Variants in SYCP3 observed in about 807,000 individuals in gnomAD.
SYCP3 encodes the protein synaptonemal complex protein 3.
SYCP3 carries 29 observed loss-of-function variants against 38.5 expected under a neutral mutation model. That is an observed-to-expected ratio of 0.75 (90% CI 0.56 to 1.03). The LOEUF (loss-of-function observed/expected upper bound fraction) is 1.03. Among genes scored for constraint, SYCP3 ranks in the 50% least tolerant of loss-of-function variants. The pLI, the probability that SYCP3 is intolerant of heterozygous loss-of-function variation, is 0.00. For synonymous variants in SYCP3, 79 were observed against 80.3 expected, an observed-to-expected ratio of 0.98 and a Z score of 0.08; for missense variants, 242 against 270.7, an observed-to-expected ratio of 0.89 and a Z score of 0.74.
At chr12:101,729,505 AACC>A in intron 7 of SYCP3, 1 of 296,268 alleles carries the variant, frequency 3.4e-6, no homozygotes, top group African/African-American at 2.2e-5. Context: ...CATCAGTAAA[AACC>A]ATTTCTATTA....
chr12:101,734,764 T>G (rs1179903682), intron 5 of SYCP3, among the ~76,000 whole-genome samples, 163 bp downstream of exon 5: 1 of 152,154 alleles, frequency 6.6e-6, no homozygotes, highest in Non-Finnish European at 1.5e-5. Flanking sequence ...GCCAGGCTGG[T>G]CTCTAACTCC....
chr12:101,735,869 A>ATTTTTTTTTTTTTTT (rs1333301972), intron 4 of SYCP3, among the ~76,000 whole-genome samples: 4 of 60,120 alleles, frequency 6.7e-5, no homozygotes, highest in African/African-American at 3.1e-4. Context: ...ATATATATAT[A>ATTTTTTTTTTTTTTT]TATTTTTTTT....
intron 7 of SYCP3, among the ~76,000 whole-genome samples, chr12:101,729,829 T>C (rs1594159847): frequency 6.6e-6 from 1 of 152,186 alleles, no homozygotes; most frequent in South Asian, 2.1e-4. Context: ...TGTGGTGATA[T>C]AGTGGAAAAT....
chr12:101,735,334 C>G (rs1952359627), intron 4 of SYCP3, among the ~76,000 whole-genome samples: 1 of 152,034 alleles, frequency 6.6e-6, no homozygotes, highest in South Asian at 2.1e-4. Flanking sequence ...CAAGGACAGA[C>G]TTTAAATTTC....
intron 5 of SYCP3, among the ~76,000 whole-genome samples, chr12:101,734,578 A>G (rs1365643787): frequency 1.3e-5 from 2 of 152,168 alleles, no homozygotes; most frequent in Non-Finnish European, 2.9e-5. Context: ...TAGAAACCCC[A>G]GTAACTAGAA....
Position 101,737,905 on chromosome 12 carries a change from T to G in SYCP3, c.31A>C (p.Lys11Gln), listed in dbSNP as rs369408148. 1.2e-6 allele frequency: 2 copies of G among 1,614,188 alleles called. No homozygotes were observed. The highest frequency in any genetic ancestry group is 1.7e-6 in the Non-Finnish European group (2 of 1,180,026). Residue 11 changes from lysine to glutamine, a missense_variant, in exon 2 of 9, where the codon AAA becomes CAA. By Grantham distance (53) the Lys-to-Gln change is moderately conservative. Coordinates refer to ENST00000392924, the MANE Select transcript of SYCP3 (RefSeq NM_001177949.2). MVSSGKKYSRKSGKPSVEDQF... is the reference protein window; with the variant it reads MVSSGKKYSRQSGKPSVEDQF... ...TCTTCCACAGACGGCTTCCCAGATT[T>G]CCTGGAATACTTTTTTCCGGAGGAC...
chr12:101,731,696 A>G (rs1287953195), intron 6 of SYCP3, 30 bp from the exon 7 acceptor site: 1 of 1,491,732 alleles, frequency 6.7e-7, no homozygotes. Flanking sequence ...AAAACTGTGT[A>G]ATAACAATTT....
intron 5 of SYCP3, 63 bp downstream of exon 5, chr12:101,734,864 A>C (rs1382112857): frequency 8.8e-7 from 1 of 1,131,790 alleles, no homozygotes; most frequent in Non-Finnish European, 1.3e-6. Context: ...AGTATTTTTC[A>C]TAAGTAATTT....
Position 101,731,560 on chromosome 12 carries a change from C to A in SYCP3, c.552+8G>T, listed in dbSNP as rs539136891. The A allele has an allele frequency of 2.0e-5, 32 of 1,582,752 alleles. 1 individual carries two copies. The South Asian group carries it at 3.4e-4, about 17-fold the overall frequency. ...TAACGATGTATTGTGTTACCACATA[C>A]AACAAACCTTTATGAACTGCTCATA... is the stretch of plus-strand genomic sequence containing the variant. On this transcript the variant is annotated splice_region_variant and intron_variant, in intron 7 of 8. Transcript: ENST00000392924.
At chr12:101,737,766 T>C (rs765945639) in intron 2 of SYCP3, 37 bp downstream of exon 2, 2 of 1,613,926 alleles carry the variant, frequency 1.2e-6, no homozygotes, top group South Asian at 2.2e-5. Context: ...ACAAATGAAC[T>C]GAAGGACATC....
At chr12:101,732,408 AAAAG>A (rs1952224925) in intron 6 of SYCP3, 1 of 152,208 alleles carries the variant, frequency 6.6e-6, no homozygotes, top group Admixed American at 6.5e-5. Context: ...TCTGGCCATT[AAAAG>A]TCAACAATGT....
Position 101,728,765 on chromosome 12 carries a change from CTA to C in SYCP3, c.*160_*161del, listed in dbSNP as rs1202959715. 1 of 959,198 alleles carries C rather than the reference CTA, an allele frequency of 1.0e-6. No individual in the cohort carries two copies. The highest frequency in any genetic ancestry group is 1.5e-6 in the Non-Finnish European group (1 of 647,062). The allele number at this position is 959,198 out of a possible 1,614,324, so 59.4% of individuals were successfully genotyped here. A position where few individuals can be genotyped will look rare whatever the true frequency, so the allele number is the denominator to read the frequency against. ...GGAATAGTTGCTAACTAACTCATAA[CTA>C]TTTAGATTTGACTTAACAGAAAGGG... On this transcript the variant is annotated 3_prime_UTR_variant, in exon 9 of 9. Coordinates refer to ENST00000392924, the MANE Select transcript of SYCP3 (RefSeq NM_001177949.2).
In SYCP3 at chr12:101,735,871, A is replaced by ATATATATATATATATATTTTTTTTT; in HGVS notation, c.236-828_236-827insAAAAAAAAATATATATATATATATA. 2.0e-4 allele frequency among the ~76,000 whole-genome samples: 15 copies of ATATATATATATATATATTTTTTTTT among 74,736 alleles called. No homozygotes were observed. The East Asian group carries it at 3.1e-3, about 15-fold the overall frequency. 49.0% of individuals were successfully genotyped at this position (74,736 alleles called of 152,430 possible). A position where few individuals can be genotyped will look rare whatever the true frequency, so the allele number is the denominator to read the frequency against. ...CAATTTTATATATATATATATATAT[A>ATATATATATATATATATTTTTTTTT]TTTTTTTTTTTTTAAAGACACGGGG... On this transcript the variant is annotated intron_variant, in intron 4 of 8. Coordinates refer to ENST00000392924, the MANE Select transcript of SYCP3 (RefSeq NM_001177949.2).
At chr12:101,731,934 T>A (rs1196476829) in intron 6 of SYCP3, 2 of 304,624 alleles carry the variant, frequency 6.6e-6, no homozygotes, top group East Asian at 1.6e-4. Context: ...ACACAGATGA[T>A]CCTTCCAATA....
rs3751248 is a variant in SYCP3, at chr12:101,737,786, C to G, written c.133+17G>C. 1 of 1,614,042 alleles carries G rather than the reference C, an allele frequency of 6.2e-7. No homozygotes were observed. The highest frequency in any genetic ancestry group is 8.5e-7 in the Non-Finnish European group (1 of 1,179,976). On this transcript the variant is annotated intron_variant, in intron 2 of 8. Coordinates refer to ENST00000392924, the MANE Select transcript of SYCP3 (RefSeq NM_001177949.2). The stretch of plus-strand genomic sequence containing the variant: ...TGAACTGAAGGACATCACTGCCCAA[C>G]ATGAGATGTACTGCACCTTCAATAA...
At position 101,737,312 on chromosome 12, in the gene SYCP3, T is replaced by TA. The variant is rs11306325; in HGVS notation, c.134-15dup. The TA allele has an allele frequency of 7.6e-3, 10,697 of 1,408,992 alleles. 18 individuals carry two copies. Among genetic ancestry groups the TA allele is most frequent in the African/African-American group, 0.025 (1,659 of 65,116 alleles). 87.3% of individuals were successfully genotyped at this position (1,408,992 alleles called of 1,614,324 possible). A position where few individuals can be genotyped will look rare whatever the true frequency, so the allele number is the denominator to read the frequency against. ...CTGCAGTCTTCCCTGTATTGACAATTAAAAAAAAAAAAAAAAAGCTTTTGA... is the reference window on the plus strand; with the variant it reads ...CTGCAGTCTTCCCTGTATTGACAATTAAAAAAAAAAAAAAAAAAGCTTTTGA... On this transcript the variant is annotated splice_polypyrimidine_tract_variant and intron_variant, in intron 2 of 8. Coordinates refer to ENST00000392924, the MANE Select transcript of SYCP3 (RefSeq NM_001177949.2).
rs201081708 is a variant in SYCP3, at chr12:101,737,924, G to A, written c.12C>T (p.Ser4=). Residue 4 remains serine (S), a synonymous_variant, in exon 2 of 9, where the codon TCC becomes TCT. Coordinates refer to ENST00000392924, the MANE Select transcript of SYCP3 (RefSeq NM_001177949.2). Reference sequence around the variant, plus strand: ...CAGATTTCCTGGAATACTTTTTTCCGGAGGACACCATATTTAGATGCTTCC... The same window carrying A: ...CAGATTTCCTGGAATACTTTTTTCCAGAGGACACCATATTTAGATGCTTCC... MVS[S]GKKYSRKSGK... The A allele has an allele frequency of 1.3e-4, 207 of 1,613,812 alleles. No individual in the cohort carries two copies. Among genetic ancestry groups the A allele is most frequent in the Admixed American group, 2.0e-4 (12 of 59,992 alleles).
Position 101,735,019 on chromosome 12 carries a change from G to C in SYCP3, c.261C>G (p.Ala87=). 6.2e-7 allele frequency: 1 copy of C among 1,610,980 alleles called. No individual in the cohort carries two copies. The highest frequency in any genetic ancestry group is 8.5e-7 in the Non-Finnish European group (1 of 1,177,826). Residue 87 remains alanine (A), a synonymous_variant, in exon 5 of 9, where the codon GCC becomes GCG. Transcript: ENST00000392924. The part of the protein sequence containing the change: ...VGVDINKALL[A]KRKRLEMYTK... ...TATACATTTCTAGTCTCTTTCTCTT[G>C]GCAAGAAGAGCCTTGTTAATGTCAA...
In SYCP3 at chr12:101,739,410, ACTC is replaced by A. The variant is rs1009034543; in HGVS notation, c.-80_-78del. The A allele has an allele frequency of 2.7e-5, 27 of 1,001,596 alleles. No homozygotes were observed. The highest frequency in any genetic ancestry group is 2.8e-5 in the Non-Finnish European group (23 of 830,022). 62.0% of individuals were successfully genotyped at this position (1,001,596 alleles called of 1,614,324 possible). A position where few individuals can be genotyped will look rare whatever the true frequency, so the allele number is the denominator to read the frequency against. ...TGGTCGTCGACAGGCGTCCTCCACA[ACTC>A]CTCCACAAGCGCGCTTCACCTGAGG... On this transcript the variant is annotated 5_prime_UTR_variant, in exon 1 of 9. Coordinates refer to ENST00000392924, the MANE Select transcript of SYCP3 (RefSeq NM_001177949.2).
Sources: gnomAD v4.1 joint callset for allele counts (sites outside exome capture counted in the v4.1 genomes callset) on GRCh38, gnomAD v4.1.1 for gene constraint, MANE v1.5 for transcripts, NCBI Gene and HGNC (gene_info 2026-07-23, HGNC 2026-07-21) for gene names.